Variants in DDX60L observed in about 807,000 individuals in gnomAD.
DDX60L encodes probable ATP-dependent RNA helicase DDX60-like.
DDX60L carries 191 observed loss-of-function variants against 211.6 expected under a neutral mutation model. The ratio of observed to expected loss-of-function variants is 0.90; its 90% CI spans 0.80 to 1.02. The LOEUF is 1.02. Among genes scored for constraint, DDX60L ranks in the 50% least tolerant of loss-of-function variants. DDX60L has a pLI of 0.00. For missense variants in DDX60L, 2,007 were observed against 1,984.1 expected (o/e 1.01, Z -0.22); for synonymous variants, 706 against 694.1 (o/e 1.02, Z -0.27).
chr4:168,459,216 T>C (rs185191398), intron 5 of DDX60L, among the ~76,000 whole-genome samples: 74 of 152,276 alleles, frequency 4.9e-4, no homozygotes, highest in African/African-American at 1.7e-3. Context: ...CCAGGCATGA[T>C]GGCTCATGCC....
rs1243462407 is a variant in DDX60L at position 168,441,377 on chromosome 4, T to C, written c.1254A>G (p.Thr418=). Residue 418 remains threonine, a synonymous_variant, in exon 10 of 38, where the codon ACA becomes ACG. Transcript: ENST00000682922. ...NVGKSFPLRT[T]RRHFLRQEKS... ...TCTCTTGTCTAAGAAAATGTCTTCT[T>C]GTTGTTCTCAGAGGAAAAGACTTTC... The C allele has an allele frequency of 5.0e-6, 8 of 1,611,380 alleles. No individual in the cohort carries two copies. The highest frequency in any genetic ancestry group is 2.7e-5 in the African/African-American group (2 of 74,860).
Position 168,445,568 on chromosome 4 carries a change from C to T in DDX60L, c.1138+3070G>A, listed in dbSNP as rs1390232677. On this transcript the variant is annotated intron_variant, in intron 9 of 37. Transcript: ENST00000682922. The stretch of plus-strand genomic sequence containing the variant: ...TTCTGATACCAAAGCCAGGCAGAGA[C>T]ACAACAAAAGAAGAGAATTTTAGAC... 2.0e-5 allele frequency among the ~76,000 whole-genome samples: 3 copies of T among 152,136 alleles called. No individual in the cohort carries two copies. In the East Asian group the frequency reaches 5.8e-4, roughly 29 times the overall value.
At position 168,416,719 on chromosome 4, in the gene DDX60L, G is replaced by A; in HGVS notation, c.2689C>T (p.Leu897Phe). ...TTTGGGTTATTTATGGTAGCTGAAA[G>A]AACCAAAAAGGGACATCGAATAATG... is the stretch of plus-strand genomic sequence containing the variant. ...LVIIRCPFLV[L>F]SATINNPNLL... The change falls in exon 20 of 38, where the codon CTT becomes TTT. Residue 897 changes from leucine to phenylalanine, a missense_variant. Leu to Phe is a conservative substitution (Grantham distance 22). Coordinates refer to ENST00000682922, the MANE Select transcript of DDX60L (RefSeq NM_001012967.3). 2 of 1,603,392 alleles carry A rather than the reference G, an allele frequency of 1.2e-6. No individual in the cohort carries two copies. Among genetic ancestry groups the A allele is most frequent in the Non-Finnish European group, 1.7e-6 (2 of 1,176,432 alleles).
At chr4:168,468,228 T>C (rs1290479867) in intron 4 of DDX60L, among the ~76,000 whole-genome samples, 1 of 149,846 alleles carries the variant, frequency 6.7e-6, no homozygotes, top group African/African-American at 2.4e-5. Context: ...TTCATGACTA[T>C]ATACCAAAAA....
chr4:168,425,510 C>T (rs1490704042), intron 14 of DDX60L, among the ~76,000 whole-genome samples: 1 of 152,202 alleles, frequency 6.6e-6, no homozygotes, highest in Admixed American at 6.5e-5. Flanking sequence ...GCCTGTAATC[C>T]TAGCTCTTTG....
intron 36 of DDX60L, among the ~76,000 whole-genome samples, chr4:168,366,150 CA>C (rs879500597): frequency 1.3e-5 from 2 of 151,830 alleles, no homozygotes; most frequent in Non-Finnish European, 2.9e-5. Context: ...GGCAAGCAGA[CA>C]AGAGAATAAA....
At chr4:168,431,717 A>T (rs1241261079) in intron 12 of DDX60L, among the ~76,000 whole-genome samples, 1 of 152,168 alleles carries the variant, frequency 6.6e-6, no homozygotes, top group Non-Finnish European at 1.5e-5. Context: ...ATAAAATAAA[A>T]TAAAAAGAAA....
At chr4:168,371,548 A>G in intron 36 of DDX60L, 64 bp downstream of exon 36, 1 of 867,496 alleles carries the variant, frequency 1.2e-6, no homozygotes. Flanking sequence ...ATATGAATAT[A>G]CAATAATAAA....
At chr4:168,392,398 A>C (rs1744989193) in intron 28 of DDX60L, among the ~76,000 whole-genome samples, 1 of 152,336 alleles carries the variant, frequency 6.6e-6, no homozygotes, top group East Asian at 1.9e-4. Flanking sequence ...TTTAATGATA[A>C]AGAGTGAGCA....
At chr4:168,426,599 AAC>A (rs1364364309) in intron 14 of DDX60L, among the ~76,000 whole-genome samples, 1 of 152,208 alleles carries the variant, frequency 6.6e-6, no homozygotes, top group Non-Finnish European at 1.5e-5. Flanking sequence ...TCACTATACA[AAC>A]ACACTTAAAA....
rs910738575 is a variant in DDX60L at position 168,391,664 on chromosome 4, A to C, written c.3811-20T>G. On this transcript the variant is annotated intron_variant, in intron 28 of 37. Coordinates refer to ENST00000682922, the MANE Select transcript of DDX60L (RefSeq NM_001012967.3). ...CACTACCTAGGAAAAAAAAAAAAAA[A>C]CAGTCAATACACAATATAGCATATC... 8.6e-6 allele frequency: 11 copies of C among 1,279,342 alleles called. No individual in the cohort carries two copies. The highest frequency in any genetic ancestry group is 1.5e-5 in the African/African-American group (1 of 66,134). 79.2% of individuals were successfully genotyped at this position (1,279,342 alleles called of 1,614,324 possible).
chr4:168,422,530 T>C lies in DDX60L; in HGVS notation c.2238A>G (p.Ala746=), dbSNP rs761335102. Residue 746 remains alanine, a synonymous_variant, in exon 16 of 38, where the codon GCA becomes GCG. Transcript: ENST00000682922. Reference sequence around the variant, plus strand: ...CAATGTTTGTTGTCATTACCTGCCATGCGTTGGGAATAAAATCCTGGACCC... The same window carrying C: ...CAATGTTTGTTGTCATTACCTGCCACGCGTTGGGAATAAAATCCTGGACCC... ...DPRVQDFIPN[A]WQQELLDVVD... is the part of the protein sequence containing the mutation. 2 of 1,609,394 alleles carry C rather than the reference T, an allele frequency of 1.2e-6. No homozygotes were observed. The highest frequency in any genetic ancestry group is 1.7e-6 in the Non-Finnish European group (2 of 1,178,710).
At chr4:168,420,192 C>A in intron 18 of DDX60L, 69 bp downstream of exon 18, 1 of 1,260,620 alleles carries the variant, frequency 7.9e-7, no homozygotes, top group Non-Finnish European at 1.1e-6. Context: ...TTTGCAGATT[C>A]CCAGCAAAAC....
intron 37 of DDX60L, among the ~76,000 whole-genome samples, chr4:168,360,194 G>A (rs372823048): frequency 6.6e-5 from 10 of 152,284 alleles, no homozygotes; most frequent in Middle Eastern, 6.8e-3. Flanking sequence ...ACATTGAAGT[G>A]CCTGGAAGAG....
chr4:168,447,795 G>A (rs1273354131), intron 9 of DDX60L, among the ~76,000 whole-genome samples: 2 of 147,194 alleles, frequency 1.4e-5, no homozygotes, highest in South Asian at 2.1e-4. Flanking sequence ...ACCAAACACC[G>A]CATATTCTCA....
rs1033460448 is a variant in DDX60L, at chr4:168,384,664, C to T, written c.4064G>A (p.Arg1355Gln). The change falls in exon 30 of 38, where the codon CGA becomes CAA. Residue 1355 changes from arginine to glutamine, a missense_variant. Physicochemically the swap from Arg to Gln is conservative, Grantham distance 43. Transcript: ENST00000682922. ...TCCCTTGGAAGCCAGCAGCATGAGT[C>T]GCAGGACCAGGGTTATGCTGAGAGG... ...QFPLSITLVLRLMLLASKGDD... is the reference protein window; with the variant it reads ...QFPLSITLVLQLMLLASKGDD... 1.9e-5 allele frequency: 31 copies of T among 1,613,840 alleles called. No homozygotes were observed. The highest frequency in any genetic ancestry group is 2.4e-5 in the Non-Finnish European group (28 of 1,179,962).
chr4:168,440,653 G>C (rs376592208), intron 10 of DDX60L, among the ~76,000 whole-genome samples: 2 of 152,124 alleles, frequency 1.3e-5, no homozygotes, highest in East Asian at 3.9e-4. Flanking sequence ...ACGACTCATT[G>C]CACTTCTCTT....
chr4:168,435,143 T>G (rs1752865695), intron 10 of DDX60L, among the ~76,000 whole-genome samples: 1 of 152,182 alleles, frequency 6.6e-6, no homozygotes. Flanking sequence ...AGGTGACTGA[T>G]GAAGTTTTCT....
At chr4:168,359,324 A>G (rs1344342839) in intron 37 of DDX60L, among the ~76,000 whole-genome samples, 1 of 152,202 alleles carries the variant, frequency 6.6e-6, no homozygotes, top group Non-Finnish European at 1.5e-5. Context: ...TCTTATAGAC[A>G]ACACATGTGA....
Sources: allele counts gnomAD v4.1 joint callset (sites outside exome capture counted in the v4.1 genomes callset), GRCh38; gene constraint gnomAD v4.1.1; transcripts MANE v1.5; gene names NCBI Gene and HGNC (gene_info 2026-07-23, HGNC 2026-07-21).